Variants in ZCCHC14 observed in about 807,000 individuals in gnomAD.
ZCCHC14 encodes zinc finger CCHC domain-containing protein 14.
In ZCCHC14, 16 loss-of-function variants were observed where a neutral mutation model predicts 85.0. The ratio of observed to expected loss-of-function variants is 0.19; its 90% CI spans 0.13 to 0.29. ZCCHC14 has a LOEUF of 0.29. Ranked by LOEUF, ZCCHC14 falls within the 10% of genes least tolerant of loss-of-function variation. The pLI is 1.00. For synonymous variants in ZCCHC14, 775 were observed against 630.7 expected (o/e 1.23, Z -3.43); for missense variants, 1,303 against 1,443.5 (o/e 0.90, Z 1.58).
intron 2 of ZCCHC14, among the ~76,000 whole-genome samples, chr16:87,457,612 G>C (rs1911039962): frequency 6.6e-6 from 1 of 152,166 alleles, no homozygotes; most frequent in African/African-American, 2.4e-5. Flanking sequence ...TTTTTTAAAT[G>C]TCTGACCACT....
chr16:87,450,371 C>T (rs1910638526), intron 2 of ZCCHC14, among the ~76,000 whole-genome samples: 1 of 152,120 alleles, frequency 6.6e-6, no homozygotes, highest in Admixed American at 6.5e-5. Context: ...GAACATTCAC[C>T]ATCACACTGA....
intron 1 of ZCCHC14, among the ~76,000 whole-genome samples, chr16:87,477,418 C>G (rs943586722): frequency 6.6e-6 from 1 of 152,200 alleles, no homozygotes; most frequent in Non-Finnish European, 1.5e-5. Flanking sequence ...CCCCGGGCAT[C>G]AGCAGAGCTG....
chr16:87,454,884 G>C (rs973748718), intron 2 of ZCCHC14, among the ~76,000 whole-genome samples: 2 of 152,248 alleles, frequency 1.3e-5, no homozygotes, highest in African/African-American at 4.8e-5. Context: ...CAACTGGTGA[G>C]GACGGGGCGG....
intron 4 of ZCCHC14, 91 bp downstream of exon 4, chr16:87,423,719 A>C: frequency 7.0e-7 from 1 of 1,437,170 alleles, no homozygotes; most frequent in Non-Finnish European, 9.7e-7. Context: ...CGCTAGCTGA[A>C]GGGAGTGGCC....
chr16:87,427,504 C>A (rs1450898131), intron 3 of ZCCHC14, among the ~76,000 whole-genome samples: 1 of 152,048 alleles, frequency 6.6e-6, no homozygotes, highest in African/African-American at 2.4e-5. Flanking sequence ...CCTCCGCCTC[C>A]CGGGTTTAAG....
chr16:87,478,904 CAATTTTACT>C (rs1298647965), intron 1 of ZCCHC14, among the ~76,000 whole-genome samples: 2 of 152,134 alleles, frequency 1.3e-5, no homozygotes, highest in East Asian at 1.9e-4. Flanking sequence ...CGCACCCGGC[CAATTTTACT>C]AATTTTACTA....
rs1158905031 is a variant in ZCCHC14 at position 87,407,392 on chromosome 16, G to A, written c.*2888C>T. Reference sequence around the variant, plus strand: ...CTTTATTTTTATTACAAGTGCGCTAGCTCCCATTTCCTCAGTGCTCTTTAG... The same window carrying A: ...CTTTATTTTTATTACAAGTGCGCTAACTCCCATTTCCTCAGTGCTCTTTAG... On this transcript the variant is annotated 3_prime_UTR_variant, in exon 13 of 13. Coordinates refer to ENST00000671377, the MANE Select transcript of ZCCHC14 (RefSeq NM_015144.3). 6.6e-6 allele frequency: 1 copy of A among 152,148 alleles called. No homozygotes were observed. Among genetic ancestry groups the A allele is most frequent in the African/African-American group, 2.4e-5 (1 of 41,436 alleles). 9.4% of individuals were successfully genotyped at this position (152,148 alleles called of 1,614,324 possible).
chr16:87,437,310 C>G (rs1326088595), intron 2 of ZCCHC14, among the ~76,000 whole-genome samples: 1 of 132,476 alleles, frequency 7.5e-6, no homozygotes, highest in Non-Finnish European at 1.5e-5. Context: ...GCACTCCAGC[C>G]TGGGCAACAA....
rs938905654 is a variant in ZCCHC14 at position 87,414,481 on chromosome 16, A to T, written c.1536T>A (p.Gly512=). The T allele has an allele frequency of 6.2e-7, 1 of 1,613,472 alleles. No individual in the cohort carries two copies. The change falls in exon 10 of 13, where the codon GGT becomes GGA. Residue 512 remains glycine (G), a synonymous_variant. Transcript: ENST00000671377. ...GGCTGGTGGGGGGCACTCGAGCCAC[A>T]CCACTGCTGGTGACCAGCGGCGGGG... ...PSAPPLVTSS[G]VARVPPTSHV...
chr16:87,482,761 C>G (rs963865924), intron 1 of ZCCHC14, among the ~76,000 whole-genome samples: 5 of 152,140 alleles, frequency 3.3e-5, no homozygotes, highest in African/African-American at 1.2e-4. Context: ...ACAGATGGCA[C>G]TGGGACAAAT....
chr16:87,435,520 C>T (rs921053652), intron 2 of ZCCHC14, among the ~76,000 whole-genome samples: 1 of 152,274 alleles, frequency 6.6e-6, no homozygotes, highest in Admixed American at 6.5e-5. Flanking sequence ...GAGCCAACGA[C>T]ACTGACTCCC....
At chr16:87,467,252 A>T (rs775079097) in intron 1 of ZCCHC14, 225 of 1,573,150 alleles carry the variant, frequency 1.4e-4, no homozygotes, top group Non-Finnish European at 1.8e-4. Flanking sequence ...TTTACCGGAC[A>T]CTAAACCCAA....
At position 87,418,967 on chromosome 16, in the gene ZCCHC14, A is replaced by AT. The variant is rs1441747435; in HGVS notation, c.1046-67dup. 2.8e-6 allele frequency: 4 copies of AT among 1,443,142 alleles called. No homozygotes were observed. The African/African-American group carries it at 5.7e-5, about 21-fold the overall frequency. The allele number at this position is 1,443,142 out of a possible 1,614,324, so 89.4% of individuals were successfully genotyped here. ...ATGAAAATATTTGTTTTATTTTATT[A>AT]TTTTTTGAGACGGTGTTTTGCTCTT... On this transcript the variant is annotated intron_variant, in intron 6 of 12. Coordinates refer to ENST00000671377, the MANE Select transcript of ZCCHC14 (RefSeq NM_015144.3).
chr16:87,457,451 T>C lies in ZCCHC14; in HGVS notation c.694+2557A>G, dbSNP rs148546309. On this transcript the variant is annotated intron_variant, in intron 2 of 12. Coordinates refer to ENST00000671377, the MANE Select transcript of ZCCHC14 (RefSeq NM_015144.3). ...GTAAAATGGGGTAAAAATCACCACA[T>C]GGGATCAGTTAGAATTAAATAGGTA... is the stretch of plus-strand genomic sequence containing the variant. Among the ~76,000 whole-genome samples, 485 of 152,306 alleles carry C rather than the reference T, an allele frequency of 3.2e-3. 3 individuals carry two copies. Among genetic ancestry groups the C allele is most frequent in the African/African-American group, 0.011 (458 of 41,568 alleles).
intron 8 of ZCCHC14, 61 bp from the exon 9 acceptor site, chr16:87,415,428 G>A (rs937905079): frequency 6.9e-6 from 10 of 1,447,844 alleles, no homozygotes; most frequent in Non-Finnish European, 9.6e-6. Context: ...TGAGAACAAA[G>A]AACTTGGAGT....
At chr16:87,433,263 T>C in intron 2 of ZCCHC14, 62 bp from the exon 3 acceptor site, 1 of 1,482,972 alleles carries the variant, frequency 6.7e-7, no homozygotes, top group Middle Eastern at 1.9e-4. Flanking sequence ...CATGATTATT[T>C]AGCATTTGAT....
intron 2 of ZCCHC14, among the ~76,000 whole-genome samples, chr16:87,452,245 C>T (rs1215323431): frequency 6.6e-6 from 1 of 152,236 alleles, no homozygotes; most frequent in Non-Finnish European, 1.5e-5. Context: ...ACAGGTTTCG[C>T]TCTAAGCACT....
Position 87,481,468 on chromosome 16 carries a change from C to A in ZCCHC14, c.570+10201G>T, listed in dbSNP as rs369803711. ...GCATACTGCCTCAAATCTAAGCCTGCGTCCAGAGAAGTGTGCCATGTATGT... is the reference window on the plus strand; with the variant it reads ...GCATACTGCCTCAAATCTAAGCCTGAGTCCAGAGAAGTGTGCCATGTATGT... On this transcript the variant is annotated intron_variant, in intron 1 of 12. Transcript: ENST00000671377. Among the ~76,000 whole-genome samples, 8 of 144,454 alleles carry A rather than the reference C, an allele frequency of 5.5e-5. No homozygotes were observed. The East Asian group carries it at 1.2e-3, about 23-fold the overall frequency. The allele number at this position is 144,454 out of a possible 152,430, so 94.8% of individuals were successfully genotyped here.
intron 2 of ZCCHC14, among the ~76,000 whole-genome samples, chr16:87,453,191 G>A (rs1248260143): frequency 6.6e-6 from 1 of 152,228 alleles, no homozygotes; most frequent in Non-Finnish European, 1.5e-5. Context: ...AGCGAGCAGC[G>A]CTCACGCAGA....
Sources: gnomAD v4.1 joint callset for allele counts (sites outside exome capture counted in the v4.1 genomes callset) on GRCh38, gnomAD v4.1.1 for gene constraint, MANE v1.5 for transcripts, NCBI Gene and HGNC (gene_info 2026-07-23, HGNC 2026-07-21) for gene names.